The following CAB39L variants were observed in gnomAD, a reference collection of about 807,000 sequenced individuals.
CAB39L encodes calcium-binding protein 39-like.
CAB39L carries 23 observed loss-of-function variants against 39.1 expected under a neutral mutation model. That is an observed-to-expected ratio of 0.59 (90% CI 0.42 to 0.83). CAB39L has a LOEUF of 0.83. Among genes scored for constraint, CAB39L ranks in the 40% least tolerant of loss-of-function variants. The pLI, the probability that CAB39L is intolerant of heterozygous loss-of-function variation, is 0.00. For missense variants in CAB39L, 366 were observed against 391.9 expected, an observed-to-expected ratio of 0.93 and a Z score of 0.56; for synonymous variants, 126 against 137.2, an observed-to-expected ratio of 0.92 and a Z score of 0.57.
chr13:49,379,844 C>CT lies in CAB39L; in HGVS notation c.112-2714dup, dbSNP rs199610486. Among the ~76,000 whole-genome samples the CT allele has an allele frequency of 7.8e-3, 1,082 of 139,388 alleles. 3 individuals carry two copies. The highest frequency in any genetic ancestry group is 0.023 in the African/African-American group (884 of 38,212). The allele number at this position is 139,388 out of a possible 152,430, so 91.4% of individuals were successfully genotyped here. On this transcript the variant is annotated intron_variant, in intron 4 of 10. Transcript: ENST00000409308. ...ACTTAGTCAACATACACTAAATAATCTTTTTTTTTTTTTTTTAGATGGAGT... is the reference window on the plus strand; with the variant it reads ...ACTTAGTCAACATACACTAAATAATCTTTTTTTTTTTTTTTTTAGATGGAGT...
chr13:49,398,187 G>A (rs972236708), intron 3 of CAB39L, among the ~76,000 whole-genome samples: 2 of 152,052 alleles, frequency 1.3e-5, no homozygotes, highest in Admixed American at 6.5e-5. Flanking sequence ...TCCAAAGTTG[G>A]AAGGGACTAT....
At chr13:49,428,840 A>ACAAT (rs10665945) in intron 3 of CAB39L, among the ~76,000 whole-genome samples, 119,849 of 151,676 alleles carry the variant, frequency 0.79, 48,148 homozygotes, top group African/African-American at 0.93. Flanking sequence ...TTTTGCATAG[A>ACAAT]CAACGGTCTA....
At chr13:49,348,199 GT>G (rs1955236801) in intron 7 of CAB39L, among the ~76,000 whole-genome samples, 1 of 152,102 alleles carries the variant, frequency 6.6e-6, no homozygotes, top group African/African-American at 2.4e-5. Flanking sequence ...TGGCATTGCG[GT>G]TCCTTTCCTC....
chr13:49,429,372 C>T (rs1312922995), intron 3 of CAB39L, among the ~76,000 whole-genome samples: 1 of 152,206 alleles, frequency 6.6e-6, no homozygotes, highest in Non-Finnish European at 1.5e-5. Flanking sequence ...AAATTACAGG[C>T]ATGAGTCACT....
chr13:49,332,019 G>T lies in CAB39L; in HGVS notation c.762C>A (p.Asn254Lys). 6.2e-7 allele frequency: 1 copy of T among 1,614,118 alleles called. No homozygotes were observed. The highest frequency in any genetic ancestry group is 8.5e-7 in the Non-Finnish European group (1 of 1,179,996). Residue 254 changes from asparagine to lysine, a missense_variant, in exon 10 of 11, where the codon AAC becomes AAA. Physicochemically the swap from Asn to Lys is moderately conservative, Grantham distance 94 (BLOSUM62 0). Transcript: ENST00000409308. ...IMTKYISKPE[N>K]LKLMMNLLRD... is the part of the protein sequence containing the mutation. Reference sequence around the variant, plus strand: ...GAAGGAGGTTCATCATGAGTTTCAGGTTCTCCGGCTTGCTGATATACTTTG... The same window carrying T: ...GAAGGAGGTTCATCATGAGTTTCAGTTTCTCCGGCTTGCTGATATACTTTG...
intron 3 of CAB39L, among the ~76,000 whole-genome samples, chr13:49,398,055 A>G (rs1442254813): frequency 1.3e-5 from 2 of 152,124 alleles, no homozygotes; most frequent in Non-Finnish European, 2.9e-5. Flanking sequence ...GTCAATCTAT[A>G]AAAACATTAA....
At chr13:49,382,605 A>G in intron 4 of CAB39L, 195 bp downstream of exon 4, 1 of 494,384 alleles carries the variant, frequency 2.0e-6, no homozygotes, top group Non-Finnish European at 3.6e-6. Context: ...GTCTCTAGAG[A>G]GTGAACCTAA....
chr13:49,348,338 CA>C (rs1955240210), intron 7 of CAB39L, among the ~76,000 whole-genome samples: 2 of 152,304 alleles, frequency 1.3e-5, no homozygotes, highest in South Asian at 4.1e-4. Context: ...GGGGCCAAGG[CA>C]GGCGGATGGC....
chr13:49,365,122 A>G (rs1033163801), intron 5 of CAB39L, among the ~76,000 whole-genome samples: 1 of 152,188 alleles, frequency 6.6e-6, no homozygotes, highest in Non-Finnish European at 1.5e-5. Flanking sequence ...GGAACAGAAC[A>G]AAGAATCCAG....
chr13:49,383,294 A>G (rs1169430530), intron 3 of CAB39L, among the ~76,000 whole-genome samples: 2 of 152,084 alleles, frequency 1.3e-5, no homozygotes, highest in Admixed American at 6.6e-5. Context: ...ATGTTTAGCT[A>G]TATGTATTCT....
chr13:49,372,351 C>T (rs1416319636), intron 5 of CAB39L, among the ~76,000 whole-genome samples: 4 of 152,262 alleles, frequency 2.6e-5, no homozygotes, highest in Admixed American at 1.3e-4. Context: ...AGGCCGACCT[C>T]CTAACTAGCC....
At position 49,339,617 on chromosome 13, in the gene CAB39L, G is replaced by A. The variant is rs969392184; in HGVS notation, c.690+60C>T. ...TGTTTACTCATATACTAATAGACCC[G>A]TCATTTGCTAATGAGATATAAACTT... On this transcript the variant is annotated intron_variant, in intron 9 of 10. Transcript: ENST00000409308. The A allele has an allele frequency of 7.9e-5, 112 of 1,426,238 alleles. 1 individual carries two copies. The highest frequency in any genetic ancestry group is 9.2e-5 in the Non-Finnish European group (100 of 1,086,878). The allele number at this position is 1,426,238 out of a possible 1,614,324, so 88.3% of individuals were successfully genotyped here.
At chr13:49,406,626 A>G (rs1004740397) in intron 3 of CAB39L, among the ~76,000 whole-genome samples, 1 of 152,126 alleles carries the variant, frequency 6.6e-6, no homozygotes, top group African/African-American at 2.4e-5. Flanking sequence ...TACCCTAAAA[A>G]TTAAAATTTT....
intron 5 of CAB39L, among the ~76,000 whole-genome samples, chr13:49,375,373 C>G (rs1223585201): frequency 2.0e-5 from 3 of 151,762 alleles, no homozygotes; most frequent in Non-Finnish European, 4.4e-5. Context: ...TTCATAATAC[C>G]TAATTTTAAA....
intron 5 of CAB39L, among the ~76,000 whole-genome samples, chr13:49,360,961 T>C (rs1280889264): frequency 2.0e-5 from 3 of 152,188 alleles, no homozygotes; most frequent in Non-Finnish European, 4.4e-5. Flanking sequence ...TATTTCCTTA[T>C]AGCAGTGTGA....
At chr13:49,376,834 G>GA (rs1185122012) in intron 5 of CAB39L, 133 bp downstream of exon 5, 3 of 704,416 alleles carry the variant, frequency 4.3e-6, no homozygotes, top group Non-Finnish European at 4.3e-6. Context: ...AGACATTTTA[G>GA]AAAAAACTTT....
At chr13:49,328,757 G>A (rs1402979050) in intron 10 of CAB39L, among the ~76,000 whole-genome samples, 1 of 152,086 alleles carries the variant, frequency 6.6e-6, no homozygotes, top group Non-Finnish European at 1.5e-5. Flanking sequence ...ACTGCTTGAG[G>A]CCGAGAGGTC....
intron 1 of CAB39L, among the ~76,000 whole-genome samples, chr13:49,434,817 T>C (rs1052073682): frequency 1.3e-5 from 2 of 152,346 alleles, no homozygotes; most frequent in South Asian, 4.1e-4. Context: ...CATTTCAAAA[T>C]CTATGTTCTA....
chr13:49,320,723 C>G (rs778370255), intron 10 of CAB39L, among the ~76,000 whole-genome samples: 1 of 152,160 alleles, frequency 6.6e-6, no homozygotes, highest in Non-Finnish European at 1.5e-5. Context: ...AAATCCCACC[C>G]CATCGAAGTG....
Sources: gnomAD v4.1 joint callset for allele counts (sites outside exome capture counted in the v4.1 genomes callset) on GRCh38, gnomAD v4.1.1 for gene constraint, MANE v1.5 for transcripts, NCBI Gene and HGNC (gene_info 2026-07-23, HGNC 2026-07-21) for gene names.